SLC1A6: variants seen among roughly 807,000 people sequenced by gnomAD.
The protein encoded by SLC1A6 is solute carrier family 1 member 6, also known as excitatory amino acid transporter 4.
Under a neutral mutation model 42.1 loss-of-function variants are expected in SLC1A6, and 15 were observed. The observed-to-expected ratio is 0.36, with a 90% CI of 0.24 to 0.55. The LOEUF is 0.55. Among genes scored for constraint, SLC1A6 ranks in the 20% least tolerant of loss-of-function variants. The pLI is 0.88. For missense variants in SLC1A6, 542 were observed against 772.5 expected, an observed-to-expected ratio of 0.70 and a Z score of 3.54; for synonymous variants, 317 against 319.7, an observed-to-expected ratio of 0.99 and a Z score of 0.09.
At chr19:14,994,119 C>G (rs917058944) in intron 1 of SLC1A6, among the ~76,000 whole-genome samples, 1 of 152,162 alleles carries the variant, frequency 6.6e-6, no homozygotes, top group African/African-American at 2.4e-5. Context: ...TTCAAGATGG[C>G]CTCCAGGGAT....
rs73928952 is a variant in SLC1A6, at chr19:14,964,612, C to T, written c.549-251G>A. Among the ~76,000 whole-genome samples, 19,909 of 152,092 alleles carry T rather than the reference C, an allele frequency of 0.13. 1,662 individuals are homozygous for T. The highest frequency in any genetic ancestry group is 0.25 in the African/African-American group (10,181 of 41,446). ...GCCCAGAGAATTGATGTAAGCTACC[C>T]GGAGCCACAGAGCTGCTAAGAGGTG... On this transcript the variant is annotated intron_variant, in intron 4 of 9. Coordinates refer to ENST00000594383, the MANE Select transcript of SLC1A6 (RefSeq NM_005071.3).
chr19:14,988,295 T>C (rs1432739032), intron 1 of SLC1A6, among the ~76,000 whole-genome samples: 1 of 152,230 alleles, frequency 6.6e-6, no homozygotes, highest in East Asian at 1.9e-4. Flanking sequence ...ATTTGTGTTT[T>C]ATGGTCTGCT....
At chr19:14,953,216 T>TGCCTG (rs2045429177) in intron 8 of SLC1A6, among the ~76,000 whole-genome samples, 154 bp from the exon 9 acceptor site, 1 of 151,382 alleles carries the variant, frequency 6.6e-6, no homozygotes, top group South Asian at 2.2e-4. Flanking sequence ...TACTGCTTGA[T>TGCCTG]GCCTCGCCTC....
chr19:14,978,914 AC>A (rs1337603308), intron 1 of SLC1A6, among the ~76,000 whole-genome samples: 9 of 151,572 alleles, frequency 5.9e-5, no homozygotes, highest in Non-Finnish European at 1.2e-4. Flanking sequence ...ACACAGAAAC[AC>A]ACACACACAC....
chr19:15,005,222 T>C (rs1242222625), intron 1 of SLC1A6, among the ~76,000 whole-genome samples: 1 of 147,070 alleles, frequency 6.8e-6, no homozygotes, highest in East Asian at 2.0e-4. Flanking sequence ...ATGGTACCAC[T>C]GTACTCTACT....
At chr19:14,982,939 CAAA>C, upstream of SLC1A6, among the ~76,000 whole-genome samples, 1 of 152,038 alleles carries the variant, frequency 6.6e-6, no homozygotes, top group South Asian at 2.1e-4. Flanking sequence ...AAAACAAGAA[CAAA>C]AAAAGAAGAG....
chr19:14,998,063 A>C (rs987042486), intron 1 of SLC1A6, among the ~76,000 whole-genome samples: 3 of 152,102 alleles, frequency 2.0e-5, no homozygotes, highest in African/African-American at 7.2e-5. Context: ...TAACATATGC[A>C]TGTAAACTAA....
At chr19:14,996,541 T>TTCC (rs2045847643) in intron 1 of SLC1A6, among the ~76,000 whole-genome samples, 1 of 142,934 alleles carries the variant, frequency 7.0e-6, no homozygotes, top group African/African-American at 2.7e-5. Flanking sequence ...CTTCTTCTTC[T>TTCC]TCTTCTTCTT....
At chr19:14,969,509 A>G (rs1258960612) in intron 3 of SLC1A6, among the ~76,000 whole-genome samples, 1 of 152,214 alleles carries the variant, frequency 6.6e-6, no homozygotes, top group African/African-American at 2.4e-5. Context: ...AGAGCTCCCC[A>G]TGAGATGAGG....
At chr19:14,976,398 G>GT (rs1238365896) in intron 1 of SLC1A6, among the ~76,000 whole-genome samples, 10 of 152,072 alleles carry the variant, frequency 6.6e-5, no homozygotes, top group African/African-American at 2.2e-4. Context: ...GTTGATTACA[G>GT]TATTTTATCT....
chr19:14,959,820 G>A (rs2045493652), intron 6 of SLC1A6, among the ~76,000 whole-genome samples: 1 of 152,192 alleles, frequency 6.6e-6, no homozygotes, highest in Non-Finnish European at 1.5e-5. Context: ...CAGTTAACAG[G>A]TGACCTTCTT....
intron 8 of SLC1A6, 25 bp downstream of exon 8, chr19:14,954,110 G>T: frequency 6.4e-7 from 1 of 1,560,494 alleles, no homozygotes. Flanking sequence ...TCACCTGCTG[G>T]CAGGTCCTAC....
chr19:14,992,528 C>T (rs573828427), intron 1 of SLC1A6, among the ~76,000 whole-genome samples: 24 of 151,928 alleles, frequency 1.6e-4, no homozygotes, highest in Non-Finnish European at 3.1e-4. Flanking sequence ...ACAGGTGGTG[C>T]GCACCTGTAA....
At chr19:14,981,220 G>A (rs1461680669), upstream of SLC1A6, among the ~76,000 whole-genome samples, 1 of 151,888 alleles carries the variant, frequency 6.6e-6, no homozygotes, top group East Asian at 1.9e-4. Context: ...TTGAGCTTAG[G>A]AATTTGAGGT....
chr19:14,953,249 A>G lies in SLC1A6; in HGVS notation c.1365-187T>C, dbSNP rs902751846. On this transcript the variant is annotated intron_variant, in intron 8 of 9. Transcript: ENST00000594383. ...CTCGCCTCGCCTCACCTCGATCCCC[A>G]CCCACCCCGCCCCTCCCCTCCTCGC... Among the ~76,000 whole-genome samples the G allele has an allele frequency of 1.6e-3, 110 of 68,210 alleles. No homozygotes were observed. In the Middle Eastern group the frequency reaches 0.023, roughly 14 times the overall value. The allele number at this position is 68,210 out of a possible 152,430, so 44.7% of individuals were successfully genotyped here. A position where few individuals can be genotyped will look rare whatever the true frequency, so the allele number is the denominator to read the frequency against.
In SLC1A6 at chr19:14,973,008, C is replaced by T. The variant is rs2045662752; in HGVS notation, c.-7-91G>A. 5 of 1,005,876 alleles carry T rather than the reference C, an allele frequency of 5.0e-6. No individual in the cohort carries two copies. The Admixed American group carries it at 8.5e-5, about 17-fold the overall frequency. 62.3% of individuals were successfully genotyped at this position (1,005,876 alleles called of 1,614,324 possible). Reference sequence around the variant, plus strand: ...CGAAGGCTGCGAAGGGTAATGAGCGCTTCCTGAGGACTCTCAGAAGGCGGG... The same window carrying T: ...CGAAGGCTGCGAAGGGTAATGAGCGTTTCCTGAGGACTCTCAGAAGGCGGG... On this transcript the variant is annotated intron_variant, in intron 1 of 9. Transcript: ENST00000594383.
At chr19:14,958,137 A>G (rs1015813436) in intron 6 of SLC1A6, among the ~76,000 whole-genome samples, 1 of 152,094 alleles carries the variant, frequency 6.6e-6, no homozygotes, top group African/African-American at 2.4e-5. Flanking sequence ...ATGGCTGGGC[A>G]TGGTGGCTCA....
intron 1 of SLC1A6, among the ~76,000 whole-genome samples, chr19:14,987,573 T>C (rs1476440641): frequency 2.0e-5 from 3 of 152,098 alleles, no homozygotes; most frequent in Non-Finnish European, 4.4e-5. Context: ...TTAGTGAATG[T>C]CCGAGTGCGC....
intron 1 of SLC1A6, among the ~76,000 whole-genome samples, chr19:14,992,505 C>T (rs1021628467): frequency 6.6e-6 from 1 of 151,924 alleles, no homozygotes; most frequent in African/African-American, 2.4e-5. Flanking sequence ...CTTTGGGAGG[C>T]CGAGGCAGGC....
Sources: allele counts gnomAD v4.1 joint callset (sites outside exome capture counted in the v4.1 genomes callset), GRCh38; gene constraint gnomAD v4.1.1; transcripts MANE v1.5; gene names NCBI Gene and HGNC (gene_info 2026-07-23, HGNC 2026-07-21).